The following PPARGC1B variants were observed in gnomAD, a reference collection of about 807,000 sequenced individuals.
PPARGC1B encodes the protein peroxisome proliferator-activated receptor gamma coactivator 1-beta.
Under a neutral mutation model 101.6 loss-of-function variants are expected in PPARGC1B, and 34 were observed. That is an observed-to-expected ratio of 0.33 (90% CI 0.25 to 0.45). The LOEUF (loss-of-function observed/expected upper bound fraction) is 0.45, where lower values mean the gene tolerates loss of function less well. PPARGC1B is among the 20% of genes least tolerant of loss of function. The pLI is 1.00. For missense variants in PPARGC1B, 1,234 were observed against 1,317.6 expected, an observed-to-expected ratio of 0.94 and a Z score of 0.98; for synonymous variants, 548 against 539.3, an observed-to-expected ratio of 1.02 and a Z score of -0.22.
At position 149,836,495 on chromosome 5, in the gene PPARGC1B, C is replaced by T; in HGVS notation, c.2040C>T (p.Gly680=). ...HATAQPASQA[G]QKRPFSCSFG... Reference sequence around the variant, plus strand: ...CAGCCCAGCCAGCCTCCCAGGCTGGCCAGAAGCGTCCCTTCTCCTGTTCCT... The same window carrying T: ...CAGCCCAGCCAGCCTCCCAGGCTGGTCAGAAGCGTCCCTTCTCCTGTTCCT... Residue 680 remains glycine, a synonymous_variant, in exon 8 of 12, where the codon GGC becomes GGT. Transcript: ENST00000309241. 1.2e-6 allele frequency: 2 copies of T among 1,614,066 alleles called. No homozygotes were observed. The highest frequency in any genetic ancestry group is 1.7e-6 in the Non-Finnish European group (2 of 1,180,032).
chr5:149,733,396 G>A (rs1235594513), intron 1 of PPARGC1B, among the ~76,000 whole-genome samples: 3 of 152,140 alleles, frequency 2.0e-5, no homozygotes, highest in Non-Finnish European at 4.4e-5. Context: ...TCACTCACCC[G>A]TCCTGCATGG....
chr5:149,844,039 C>T (rs1489900374), intron 10 of PPARGC1B, among the ~76,000 whole-genome samples: 3 of 152,136 alleles, frequency 2.0e-5, no homozygotes, highest in Non-Finnish European at 4.4e-5. Context: ...TTCAGTTTGG[C>T]AAGGTGAAAG....
At chr5:149,770,553 G>T (rs1467690092) in intron 1 of PPARGC1B, among the ~76,000 whole-genome samples, 1 of 152,146 alleles carries the variant, frequency 6.6e-6, no homozygotes, top group African/African-American at 2.4e-5. Flanking sequence ...CCTGTTAAGT[G>T]CAAATAGTAG....
At chr5:149,839,819 C>A (rs545237560) in intron 8 of PPARGC1B, among the ~76,000 whole-genome samples, 2 of 152,256 alleles carry the variant, frequency 1.3e-5, no homozygotes, top group Non-Finnish European at 2.9e-5. Flanking sequence ...TGATCCAGTC[C>A]GGAAGCTGGC....
chr5:149,825,376 G>C (rs1331593791), intron 2 of PPARGC1B, among the ~76,000 whole-genome samples: 1 of 152,240 alleles, frequency 6.6e-6, no homozygotes, highest in African/African-American at 2.4e-5. Flanking sequence ...TTGCTGTGAG[G>C]CCTCCCTGAG....
At chr5:149,759,762 A>G (rs1755656421) in intron 1 of PPARGC1B, among the ~76,000 whole-genome samples, 1 of 152,186 alleles carries the variant, frequency 6.6e-6, no homozygotes, top group African/African-American at 2.4e-5. Flanking sequence ...GGCAGCTGCA[A>G]GGCTGCTGCT....
chr5:149,776,711 G>A (rs943674742), intron 1 of PPARGC1B, among the ~76,000 whole-genome samples: 4 of 152,184 alleles, frequency 2.6e-5, no homozygotes, highest in East Asian at 1.9e-4. Context: ...GTAGTGTAAC[G>A]GAGGCACTGT....
At chr5:149,771,392 C>T (rs945875360) in intron 1 of PPARGC1B, among the ~76,000 whole-genome samples, 4 of 152,218 alleles carry the variant, frequency 2.6e-5, no homozygotes, top group African/African-American at 9.6e-5. Context: ...GGTTTCCTTA[C>T]ACAAGTGGAC....
intron 1 of PPARGC1B, among the ~76,000 whole-genome samples, chr5:149,782,481 C>T (rs1199699211): frequency 2.0e-5 from 3 of 152,112 alleles, no homozygotes; most frequent in East Asian, 1.9e-4. Flanking sequence ...GGATTGTTAT[C>T]GGGGAAGAAG....
intron 1 of PPARGC1B, among the ~76,000 whole-genome samples, chr5:149,767,054 T>C (rs1208184338): frequency 1.3e-5 from 2 of 152,162 alleles, no homozygotes; most frequent in Admixed American, 1.3e-4. Context: ...CTGGAAACTC[T>C]TTGGTCCATG....
intron 1 of PPARGC1B, among the ~76,000 whole-genome samples, chr5:149,804,129 AG>A (rs1757519719): frequency 6.6e-6 from 1 of 152,224 alleles, no homozygotes; most frequent in Admixed American, 6.5e-5. Flanking sequence ...CCCCCGGTAA[AG>A]GGGGGTTAGT....
At chr5:149,802,912 C>T (rs1365574977) in intron 1 of PPARGC1B, among the ~76,000 whole-genome samples, 1 of 152,148 alleles carries the variant, frequency 6.6e-6, no homozygotes, top group Non-Finnish European at 1.5e-5. Flanking sequence ...TGGACCACAA[C>T]ATGAGTAGCA....
At chr5:149,768,278 G>A (rs1381375394) in intron 1 of PPARGC1B, among the ~76,000 whole-genome samples, 1 of 152,068 alleles carries the variant, frequency 6.6e-6, no homozygotes, top group Non-Finnish European at 1.5e-5. Flanking sequence ...GCCACTCAGC[G>A]ATAGGGTTTT....
chr5:149,820,669 G>T (rs1179982095), intron 2 of PPARGC1B, 63 bp downstream of exon 2: 1 of 1,437,738 alleles, frequency 7.0e-7, no homozygotes, highest in African/African-American at 1.4e-5. Context: ...CAAAATCCCG[G>T]CTCTGCCCTG....
At position 149,836,481 on chromosome 5, in the gene PPARGC1B, G is replaced by A. The variant is rs1759084047; in HGVS notation, c.2026G>A (p.Ala676Thr). The change falls in exon 8 of 12, where the codon GCC (alanine) becomes ACC (threonine). Residue 676 changes from alanine (A) to threonine (T), a missense_variant. Coordinates refer to ENST00000309241, the MANE Select transcript of PPARGC1B (RefSeq NM_133263.4). Reference sequence around the variant, plus strand: ...CCTGCGACATGCCACAGCCCAGCCAGCCTCCCAGGCTGGCCAGAAGCGTCC... The same window carrying A: ...CCTGCGACATGCCACAGCCCAGCCAACCTCCCAGGCTGGCCAGAAGCGTCC... The part of the protein sequence containing the change: ...SHLRHATAQP[A>T]SQAGQKRPFS... 2 of 1,613,920 alleles carry A rather than the reference G, an allele frequency of 1.2e-6. No individual in the cohort carries two copies. Among genetic ancestry groups the A allele is most frequent in the Admixed American group, 3.3e-5 (2 of 60,012 alleles).
At chr5:149,838,330 A>G (rs557774233) in intron 8 of PPARGC1B, among the ~76,000 whole-genome samples, 4 of 152,244 alleles carry the variant, frequency 2.6e-5, no homozygotes, top group Admixed American at 2.6e-4. Flanking sequence ...TTGTTCCTCA[A>G]AGTGAGGTCC....
At chr5:149,770,459 A>G (rs775849658) in intron 1 of PPARGC1B, among the ~76,000 whole-genome samples, 16 of 152,236 alleles carry the variant, frequency 1.1e-4, no homozygotes, top group Non-Finnish European at 2.2e-4. Flanking sequence ...GTGCCCACAC[A>G]AAGTCAAGAC....
At chr5:149,816,960 T>TC (rs1758079079) in intron 1 of PPARGC1B, among the ~76,000 whole-genome samples, 3 of 152,174 alleles carry the variant, frequency 2.0e-5, no homozygotes, top group Non-Finnish European at 2.9e-5. Context: ...AAAACCCAAA[T>TC]CCTTTCCAAT....
intron 1 of PPARGC1B, among the ~76,000 whole-genome samples, chr5:149,793,807 G>A (rs1315593142): frequency 2.0e-5 from 3 of 152,168 alleles, no homozygotes; most frequent in Admixed American, 6.5e-5. Flanking sequence ...AGGGAGAGAC[G>A]CTCAGACGGA....
Sources: allele counts gnomAD v4.1 joint callset (sites outside exome capture counted in the v4.1 genomes callset), GRCh38; gene constraint gnomAD v4.1.1; transcripts MANE v1.5; gene names NCBI Gene and HGNC (gene_info 2026-07-23, HGNC 2026-07-21).